AP1M1: variants seen among roughly 807,000 people sequenced by gnomAD.
AP1M1 encodes the protein adaptor related protein complex 1 subunit mu 1.
In AP1M1, 18 loss-of-function variants were observed where a neutral mutation model predicts 57.1. The observed-to-expected ratio is 0.32, with a 90% CI of 0.22 to 0.47. AP1M1 has a LOEUF of 0.47. Ranked by LOEUF, AP1M1 falls within the 20% of genes least tolerant of loss-of-function variation. AP1M1 has a pLI of 1.00. For synonymous variants in AP1M1, 241 were observed against 237.9 expected (o/e 1.01, Z -0.12); for missense variants, 362 against 593.5 (o/e 0.61, Z 4.05).
At chr19:16,232,409 C>T (rs531882526) in intron 9 of AP1M1, among the ~76,000 whole-genome samples, 1 of 152,244 alleles carries the variant, frequency 6.6e-6, no homozygotes, top group Non-Finnish European at 1.5e-5. Flanking sequence ...GCGTCTGCTT[C>T]CCTGCATTTT....
chr19:16,203,437 T>C lies in AP1M1; in HGVS notation c.43-22T>C. ...GTAGAACTGAAAATGCAAGCATCTTTTCTCTTCCTTCCCCACCCCAGGTGC... is the reference window on the plus strand; with the variant it reads ...GTAGAACTGAAAATGCAAGCATCTTCTCTCTTCCTTCCCCACCCCAGGTGC... On this transcript the variant is annotated intron_variant, in intron 1 of 11. Transcript: ENST00000291439. The surrounding 1 kb of genome is among the most constrained non-coding windows in gnomAD (Gnocchi z 4.6). 2.5e-6 allele frequency: 4 copies of C among 1,614,052 alleles called. No individual in the cohort carries two copies. The highest frequency in any genetic ancestry group is 3.4e-6 in the Non-Finnish European group (4 of 1,179,946).
Position 16,239,124 on chromosome 19 carries a change from G to C in AP1M1, c.*4689G>C, listed in dbSNP as rs1056054804. ...AATTTTGTATTTTTGGTAGAGACGG[G>C]ATTTCTCCATGTTGGTCAGGCTGGT... On this transcript the variant is annotated 3_prime_UTR_variant, in exon 12 of 12. Transcript: ENST00000291439. 1.3e-5 allele frequency: 2 copies of C among 149,840 alleles called. No individual in the cohort carries two copies. Among genetic ancestry groups the C allele is most frequent in the Non-Finnish European group, 3.0e-5 (2 of 67,696 alleles). The allele number at this position is 149,840 out of a possible 1,614,324, so 9.3% of individuals were successfully genotyped here.
rs71178664 is a variant in AP1M1, at chr19:16,245,041, G to GC, written c.*10606_*10607insC. The GC allele has an allele frequency of 1, 150,340 of 150,438 alleles. 75,121 individuals are homozygous for GC. Among genetic ancestry groups the GC allele is most frequent in the Admixed American group, 1 (14,998 of 14,998 alleles). The allele number at this position is 150,438 out of a possible 1,614,324, so 9.3% of individuals were successfully genotyped here. A position where few individuals can be genotyped will look rare whatever the true frequency, so the allele number is the denominator to read the frequency against. ...GCCTCCTGAGTAGCTGGGATTACAC[G>GC]ATGCGCCACCAGGCCTGCCTAACTT... is the stretch of plus-strand genomic sequence containing the variant. On this transcript the variant is annotated 3_prime_UTR_variant, in exon 12 of 12. Coordinates refer to ENST00000291439, the MANE Select transcript of AP1M1 (RefSeq NM_032493.4).
chr19:16,240,161 A>G lies in AP1M1; in HGVS notation c.*5726A>G, dbSNP rs371742143. 6.6e-6 allele frequency: 1 copy of G among 152,178 alleles called. No homozygotes were observed. Among genetic ancestry groups the G allele is most frequent in the East Asian group, 1.9e-4 (1 of 5,202 alleles). 9.4% of individuals were successfully genotyped at this position (152,178 alleles called of 1,614,324 possible). A position where few individuals can be genotyped will look rare whatever the true frequency, so the allele number is the denominator to read the frequency against. On this transcript the variant is annotated 3_prime_UTR_variant, in exon 12 of 12. Transcript: ENST00000291439. ...ATATGCAAATATTGTGCCATTTTAT[A>G]TAAAAGACTTGAGCATCCTCAGATT... is the stretch of plus-strand genomic sequence containing the variant.
intron 5 of AP1M1, 134 bp from the exon 6 acceptor site, chr19:16,226,287 A>G: frequency 7.8e-7 from 1 of 1,274,722 alleles, no homozygotes; most frequent in South Asian, 1.6e-5. Flanking sequence ...AGCTCAGGGG[A>G]TGCCCAGGAG....
In AP1M1 at chr19:16,203,046, C is replaced by G. The variant is rs1484392551; in HGVS notation, c.43-413C>G. ...CTCCCTTCAGGCCACCTGTGGACTT[C>G]AGTAAATACGAACCTTCAGCGGGAG... is the stretch of plus-strand genomic sequence containing the variant. On this transcript the variant is annotated intron_variant, in intron 1 of 11. Coordinates refer to ENST00000291439, the MANE Select transcript of AP1M1 (RefSeq NM_032493.4). This position sits in a 1 kb window ranked among gnomAD's most constrained non-coding sequence, Gnocchi z 4.6. 4.0e-5 allele frequency: 9 copies of G among 222,876 alleles called. No homozygotes were observed. In the South Asian group the frequency reaches 4.9e-4, roughly 12 times the overall value. The allele number at this position is 222,876 out of a possible 1,614,324, so 13.8% of individuals were successfully genotyped here.
chr19:16,203,632 G>A lies in AP1M1; in HGVS notation c.199+17G>A. On this transcript the variant is annotated intron_variant, in intron 2 of 11. Transcript: ENST00000291439. The surrounding 1 kb of genome is among the most constrained non-coding windows in gnomAD (Gnocchi z 4.6). Reference sequence around the variant, plus strand: ...ACCTGTATCGTATCCCTTTGCTGGGGGTGCTCCCAGGGGACTCCTGTGTGG... The same window carrying A: ...ACCTGTATCGTATCCCTTTGCTGGGAGTGCTCCCAGGGGACTCCTGTGTGG... 6.3e-7 allele frequency: 1 copy of A among 1,588,520 alleles called. No homozygotes were observed. The highest frequency in any genetic ancestry group is 8.6e-7 in the Non-Finnish European group (1 of 1,165,406).
At chr19:16,229,090 G>C (rs558350812) in intron 9 of AP1M1, among the ~76,000 whole-genome samples, 162 bp downstream of exon 9, 1 of 152,354 alleles carries the variant, frequency 6.6e-6, no homozygotes, top group East Asian at 1.9e-4. Context: ...GAGGACTGGA[G>C]TGGGAGGAAG....
chr19:16,231,598 T>C (rs1209291423), intron 9 of AP1M1, among the ~76,000 whole-genome samples: 1 of 141,558 alleles, frequency 7.1e-6, no homozygotes. Context: ...CCCAGCTAAT[T>C]TGTGTATTTT....
chr19:16,201,525 A>T (rs2091447107), intron 1 of AP1M1, among the ~76,000 whole-genome samples: 1 of 150,092 alleles, frequency 6.7e-6, no homozygotes, highest in South Asian at 2.1e-4. Flanking sequence ...CAGCCTCCCA[A>T]GTAGCTGGGA....
At position 16,227,660 on chromosome 19, in the gene AP1M1, C is replaced by T. The variant is rs374198455; in HGVS notation, c.786C>T (p.Phe262=). ...TISFIPPDGE[F]ELMSYRLNTH... is the part of the protein sequence containing the mutation. The stretch of plus-strand genomic sequence containing the variant: ...CCTTCATCCCACCCGACGGCGAGTT[C>T]GAGCTCATGTCCTACCGTCTCAACA... The change falls in exon 7 of 12, where the codon TTC becomes TTT. Residue 262 remains phenylalanine (F), a synonymous_variant. Coordinates refer to ENST00000291439, the MANE Select transcript of AP1M1 (RefSeq NM_032493.4). The surrounding 1 kb of genome is among the most constrained non-coding windows in gnomAD (Gnocchi z 6.2). The T allele has an allele frequency of 8.7e-6, 14 of 1,613,882 alleles. No individual in the cohort carries two copies. The highest frequency in any genetic ancestry group is 4.4e-5 in the South Asian group (4 of 91,094).
chr19:16,232,251 G>T (rs370690842), intron 9 of AP1M1, among the ~76,000 whole-genome samples: 1 of 152,300 alleles, frequency 6.6e-6, no homozygotes, highest in African/African-American at 2.4e-5. Context: ...TCCTACCCGG[G>T]GAGCCCTTCT....
intron 5 of AP1M1, among the ~76,000 whole-genome samples, chr19:16,224,386 C>T (rs886529532): frequency 1.3e-5 from 2 of 152,256 alleles, no homozygotes; most frequent in Non-Finnish European, 2.9e-5. Context: ...GGATCCCACT[C>T]CTCCAAACAG....
intron 1 of AP1M1, among the ~76,000 whole-genome samples, chr19:16,199,609 C>T (rs1009795228): frequency 6.6e-6 from 1 of 152,184 alleles, no homozygotes; most frequent in African/African-American, 2.4e-5. Context: ...ACCCCACCCC[C>T]AGCACTTTCC....
At chr19:16,226,042 A>T (rs907132672) in intron 5 of AP1M1, among the ~76,000 whole-genome samples, 1 of 152,028 alleles carries the variant, frequency 6.6e-6, no homozygotes, top group Non-Finnish European at 1.5e-5. Context: ...CGGAGCATTC[A>T]GGGGGCTCCT....
chr19:16,200,896 G>T (rs1234306164), intron 1 of AP1M1, among the ~76,000 whole-genome samples: 1 of 152,124 alleles, frequency 6.6e-6, no homozygotes, highest in Admixed American at 6.6e-5. Context: ...GCCTACGCGT[G>T]CCTCCCCATG....
rs775576994 is a variant in AP1M1 at position 16,198,057 on chromosome 19, C to T, written c.31C>T (p.Leu11=). The T allele has an allele frequency of 7.5e-6, 12 of 1,605,056 alleles. No individual in the cohort carries two copies. In the African/African-American group the frequency reaches 1.5e-4, roughly 20 times the overall value. The change falls in exon 1 of 12, where the codon CTG becomes TTG. Residue 11 remains leucine, a synonymous_variant. Transcript: ENST00000291439. MSASAVYVLD[L]KGKVLICRNY... is the part of the protein sequence containing the mutation. Reference sequence around the variant, plus strand: ...CGCCAGCGCCGTCTACGTGCTGGACCTGAAGGGCAAGGTACTGAGGGCTCC... The same window carrying T: ...CGCCAGCGCCGTCTACGTGCTGGACTTGAAGGGCAAGGTACTGAGGGCTCC...
At position 16,227,589 on chromosome 19, in the gene AP1M1, C is replaced by T; in HGVS notation, c.715C>T (p.His239Tyr). Reference sequence around the variant, plus strand: ...CGTGGAGCTGGAGGATGTGAAGTTCCACCAGTGTGTGCGGCTATCACGCTT... The same window carrying T: ...CGTGGAGCTGGAGGATGTGAAGTTCTACCAGTGTGTGCGGCTATCACGCTT... ...KSVELEDVKF[H>Y]QCVRLSRFEN... The change falls in exon 7 of 12, where the codon CAC (histidine) becomes TAC (tyrosine). Residue 239 changes from histidine to tyrosine, a missense_variant. His to Tyr is a moderately conservative substitution (Grantham distance 83). Transcript: ENST00000291439. This position sits in a 1 kb window ranked among gnomAD's most constrained non-coding sequence, Gnocchi z 6.2. 1.2e-6 allele frequency: 2 copies of T among 1,614,054 alleles called. No individual in the cohort carries two copies. The highest frequency in any genetic ancestry group is 1.7e-4 in the Middle Eastern group (1 of 6,058).
Position 16,234,725 on chromosome 19 carries a change from T to C in AP1M1, c.*290T>C. ...TCCGTGTAGAGGTTACAGCCTTTTA[T>C]GCTGTTGAGCTCCCAGGTACCAAAA... is the stretch of plus-strand genomic sequence containing the variant. On this transcript the variant is annotated 3_prime_UTR_variant, in exon 12 of 12. Transcript: ENST00000291439. 1 of 518,260 alleles carries C rather than the reference T, an allele frequency of 1.9e-6. No homozygotes were observed. Among genetic ancestry groups the C allele is most frequent in the African/African-American group, 1.9e-5 (1 of 52,614 alleles). The allele number at this position is 518,260 out of a possible 1,614,324, so 32.1% of individuals were successfully genotyped here.
Sources: allele counts gnomAD v4.1 joint callset (sites outside exome capture counted in the v4.1 genomes callset), GRCh38; gene constraint gnomAD v4.1.1; non-coding constraint Gnocchi (gnomAD v3.1); transcripts MANE v1.5; gene names NCBI Gene and HGNC (gene_info 2026-07-23, HGNC 2026-07-21).